The following NTRK2 variants were observed in gnomAD, a reference collection of about 807,000 sequenced individuals.
NTRK2 encodes BDNF/NT-3 growth factors receptor.
In NTRK2, 13 loss-of-function variants were observed where a neutral mutation model predicts 94.5. The observed-to-expected ratio is 0.14, with a 90% CI of 0.09 to 0.22. The LOEUF (loss-of-function observed/expected upper bound fraction) is 0.22. Ranked by LOEUF, NTRK2 falls within the 10% of genes least tolerant of loss-of-function variation. The pLI is 1.00. For missense variants in NTRK2, 639 were observed against 1,071.2 expected, an observed-to-expected ratio of 0.60 and a Z score of 5.63; for synonymous variants, 372 against 407.4, an observed-to-expected ratio of 0.91 and a Z score of 1.05.
At chr9:84,757,905 T>G (rs892618407) in intron 12 of NTRK2, among the ~76,000 whole-genome samples, 4 of 152,138 alleles carry the variant, frequency 2.6e-5, no homozygotes, top group African/African-American at 9.7e-5. Flanking sequence ...TAAATGTGAA[T>G]AGATTACCTT....
intron 17 of NTRK2, among the ~76,000 whole-genome samples, chr9:84,962,349 C>T (rs1825043271): frequency 6.6e-6 from 1 of 152,192 alleles, no homozygotes; most frequent in Admixed American, 6.5e-5. Context: ...TAATCTATTG[C>T]TATGCCTTGT....
intron 12 of NTRK2, among the ~76,000 whole-genome samples, chr9:84,843,473 C>A (rs367643071): frequency 1.3e-5 from 2 of 152,300 alleles, no homozygotes; most frequent in African/African-American, 4.8e-5. Flanking sequence ...GCCAGCTGCC[C>A]ACCAGCAGTG....
At chr9:84,820,305 G>C (rs928583633) in intron 12 of NTRK2, among the ~76,000 whole-genome samples, 1 of 151,896 alleles carries the variant, frequency 6.6e-6, no homozygotes, top group Non-Finnish European at 1.5e-5. Context: ...TAGTAGCTGG[G>C]ACTACAGGCG....
At chr9:84,676,079 G>A (rs1224602588) in intron 2 of NTRK2, among the ~76,000 whole-genome samples, 1 of 152,226 alleles carries the variant, frequency 6.6e-6, no homozygotes, top group Non-Finnish European at 1.5e-5. Flanking sequence ...GAAAGCTGAA[G>A]TCAGGAGACC....
At chr9:84,679,610 A>G (rs1045977378) in intron 2 of NTRK2, among the ~76,000 whole-genome samples, 4 of 152,138 alleles carry the variant, frequency 2.6e-5, no homozygotes, top group Admixed American at 2.0e-4. Flanking sequence ...GACTGATTTC[A>G]TCTTGAACCT....
At chr9:84,825,763 T>C (rs1280414629) in intron 12 of NTRK2, among the ~76,000 whole-genome samples, 1 of 152,206 alleles carries the variant, frequency 6.6e-6, no homozygotes, top group Non-Finnish European at 1.5e-5. Flanking sequence ...AATTGTGCCA[T>C]AGTGTTCATC....
rs2074191733 is a variant in NTRK2 at position 84,841,655 on chromosome 9, A to G, written c.1397-19385A>G. 3.9e-5 allele frequency among the ~76,000 whole-genome samples: 6 copies of G among 152,192 alleles called. No individual in the cohort carries two copies. In the South Asian group the frequency reaches 1.2e-3, roughly 32 times the overall value. ...AGGCCTTCCCTAACCATTGTTTTCA[A>G]TTGCAGCCCTTATACCTGCTAGACT... On this transcript the variant is annotated intron_variant, in intron 12 of 18. Transcript: ENST00000277120.
chr9:84,952,616 T>A (rs1311920697), intron 16 of NTRK2, among the ~76,000 whole-genome samples: 1 of 152,208 alleles, frequency 6.6e-6, no homozygotes, highest in Non-Finnish European at 1.5e-5. Context: ...ACCCACTTTT[T>A]ACAGCAGTAT....
chr9:84,745,510 G>A (rs942955041), intron 11 of NTRK2, among the ~76,000 whole-genome samples: 1 of 152,172 alleles, frequency 6.6e-6, no homozygotes, highest in African/African-American at 2.4e-5. Flanking sequence ...TAGTTGTTTA[G>A]AATTCATCAG....
chr9:84,733,280 T>C (rs912006311), intron 9 of NTRK2, among the ~76,000 whole-genome samples: 3 of 152,224 alleles, frequency 2.0e-5, no homozygotes, highest in African/African-American at 7.2e-5. Flanking sequence ...TCAAGGTGAA[T>C]CAGACATTTC....
chr9:84,995,572 G>A (rs980561264), intron 17 of NTRK2, among the ~76,000 whole-genome samples: 9 of 152,156 alleles, frequency 5.9e-5, no homozygotes, highest in Non-Finnish European at 7.3e-5. Flanking sequence ...AGGCTGTGCC[G>A]CTGGGTCTGC....
At chr9:84,829,305 T>G (rs1462287213) in intron 12 of NTRK2, among the ~76,000 whole-genome samples, 1 of 152,166 alleles carries the variant, frequency 6.6e-6, no homozygotes, top group Non-Finnish European at 1.5e-5. Flanking sequence ...GGCCCAGAGA[T>G]CAATTTTCAC....
intron 14 of NTRK2, chr9:84,872,526 T>G: frequency 1.9e-6 from 2 of 1,066,448 alleles, no homozygotes; most frequent in Non-Finnish European, 2.3e-6. Context: ...TGGATGTGTT[T>G]GTACTTGCAG....
At chr9:85,020,114 A>G (rs1025657315) in intron 17 of NTRK2, 92 bp from the exon 18 acceptor site, 71 of 1,376,788 alleles carry the variant, frequency 5.2e-5, no homozygotes, top group Non-Finnish European at 6.6e-5. Context: ...ATAAAGTGCA[A>G]ATAAGGAAAG....
rs118014105 is a variant in NTRK2, at chr9:84,969,236, T to C, written c.2172+13719T>C. Among the ~76,000 whole-genome samples the C allele has an allele frequency of 1.2e-3, 185 of 152,364 alleles. 3 individuals carry two copies. In the East Asian group the frequency reaches 0.033, roughly 27 times the overall value. ...ACTAAAAGCATATTTTAATACTCCA[T>C]GTCATGTGCTTCCTTTGTGTCTTTG... On this transcript the variant is annotated intron_variant, in intron 17 of 18. Coordinates refer to ENST00000277120, the MANE Select transcript of NTRK2 (RefSeq NM_006180.6).
chr9:84,801,002 C>A (rs1196696452), intron 12 of NTRK2, among the ~76,000 whole-genome samples: 10 of 152,104 alleles, frequency 6.6e-5, no homozygotes, highest in Admixed American at 6.5e-4. Flanking sequence ...TGTGTTTTGG[C>A]CCATGATTTA....
chr9:84,748,836 C>G (rs1328809404), intron 11 of NTRK2, among the ~76,000 whole-genome samples: 1 of 152,168 alleles, frequency 6.6e-6, no homozygotes, highest in Non-Finnish European at 1.5e-5. Flanking sequence ...AAAAAACACC[C>G]AAAGTCATGA....
intron 14 of NTRK2, among the ~76,000 whole-genome samples, chr9:84,903,748 C>T (rs1273808579): frequency 6.6e-6 from 1 of 151,532 alleles, no homozygotes; most frequent in Non-Finnish European, 1.5e-5. Flanking sequence ...CCTCCCTTCT[C>T]TCTCTCTCTC....
In NTRK2 at chr9:84,773,593, G is replaced by A. The variant is rs374860559; in HGVS notation, c.1396+21508G>A. Reference sequence around the variant, plus strand: ...CTCTTTTCTCTCTCTCTCTCTCAAAGGCAAAATGAAAACTATATTTATCAC... The same window carrying A: ...CTCTTTTCTCTCTCTCTCTCTCAAAAGCAAAATGAAAACTATATTTATCAC... On this transcript the variant is annotated intron_variant, in intron 12 of 18. Transcript: ENST00000277120. 7.9e-5 allele frequency among the ~76,000 whole-genome samples: 12 copies of A among 152,136 alleles called. No individual in the cohort carries two copies. The South Asian group carries it at 2.3e-3, about 29-fold the overall frequency.
Sources: allele counts gnomAD v4.1 joint callset (sites outside exome capture counted in the v4.1 genomes callset), GRCh38; gene constraint gnomAD v4.1.1; transcripts MANE v1.5; gene names NCBI Gene and HGNC (gene_info 2026-07-23, HGNC 2026-07-21).